SPATA6: variants seen among roughly 807,000 people sequenced by gnomAD.
SPATA6 encodes spermatogenesis associated 6, also known as spermatogenesis-associated protein 6.
A neutral mutation model predicts 65.3 loss-of-function variants in SPATA6; 56 were observed. That is an observed-to-expected ratio of 0.86 (90% CI 0.69 to 1.07). The LOEUF (loss-of-function observed/expected upper bound fraction) is 1.07, where lower values mean the gene tolerates loss of function less well. Among genes scored for constraint, SPATA6 ranks in the 50% least tolerant of loss-of-function variants. The probability of loss-of-function intolerance (pLI) is 0.00; values close to 1 mark genes in which losing one functional copy is unlikely to be tolerated. For missense variants in SPATA6, 590 were observed against 594.8 expected (o/e 0.99, Z 0.08); for synonymous variants, 199 against 213.2 (o/e 0.93, Z 0.58).
intron 3 of SPATA6, among the ~76,000 whole-genome samples, chr1:48,439,594 C>T (rs1655274681): frequency 6.6e-6 from 1 of 152,204 alleles, no homozygotes; most frequent in Admixed American, 6.5e-5. Context: ...ACAACTATTC[C>T]AGTCAGCAGG....
intron 11 of SPATA6, among the ~76,000 whole-genome samples, chr1:48,351,585 T>C: frequency 6.6e-6 from 1 of 152,120 alleles, no homozygotes; most frequent in East Asian, 1.9e-4. Context: ...TTTTTCTTAA[T>C]CATTTACTAG....
the SPATA6 span, among the ~76,000 whole-genome samples, chr1:48,264,815 C>CTGCAGTAAACATAA: frequency 2.6e-5 from 4 of 152,184 alleles, no homozygotes; most frequent in Non-Finnish European, 5.9e-5. Flanking sequence ...GTGAACAGTG[C>CTGCAGTAAACATAA]TGCAGTAAAC....
At chr1:48,436,171 G>A in intron 3 of SPATA6, 1 of 1,610,946 alleles carries the variant, frequency 6.2e-7, no homozygotes, top group Non-Finnish European at 8.5e-7. Flanking sequence ...AAGAGGATTT[G>A]ACAACTTGAC....
intron 9 of SPATA6, among the ~76,000 whole-genome samples, chr1:48,363,591 T>TA (rs1233917559): frequency 3.3e-5 from 5 of 152,024 alleles, no homozygotes; most frequent in Admixed American, 6.6e-5. Context: ...TACTTCAGCA[T>TA]AAAAAAGTCT....
intron 11 of SPATA6, among the ~76,000 whole-genome samples, chr1:48,336,219 T>G (rs1210546640): frequency 6.6e-6 from 1 of 152,056 alleles, no homozygotes; most frequent in South Asian, 2.1e-4. Context: ...AAAGACAGTA[T>G]GGTGACTTCT....
intron 1 of SPATA6, among the ~76,000 whole-genome samples, chr1:48,454,334 T>C (rs767501336): frequency 3.3e-5 from 5 of 152,164 alleles, no homozygotes; most frequent in Non-Finnish European, 5.9e-5. Flanking sequence ...TCTTTCATCA[T>C]TGTATAATGT....
chr1:48,290,753 C>A (rs931763198), downstream of SPATA6, among the ~76,000 whole-genome samples: 2 of 152,076 alleles, frequency 1.3e-5, no homozygotes, highest in Non-Finnish European at 2.9e-5. Context: ...ACAAAAAAGG[C>A]CATTACATAA....
chr1:48,315,654 A>C (rs1030092742), intron 11 of SPATA6, among the ~76,000 whole-genome samples: 2 of 151,944 alleles, frequency 1.3e-5, no homozygotes, highest in Non-Finnish European at 2.9e-5. Context: ...CTCTCTCACC[A>C]CTCCTATTCA....
intron 11 of SPATA6, 41 bp downstream of exon 11, chr1:48,355,629 C>A: frequency 1.4e-6 from 2 of 1,393,656 alleles, no homozygotes; most frequent in Non-Finnish European, 2.0e-6. Context: ...TTTTCTTGAC[C>A]TATTATAAAT....
chr1:48,268,089 G>A, the SPATA6 span, among the ~76,000 whole-genome samples: 1 of 152,040 alleles, frequency 6.6e-6, no homozygotes, highest in Admixed American at 6.5e-5. Flanking sequence ...TGGGGTACGT[G>A]GGGGGCCAGG....
chr1:48,288,782 G>T, the SPATA6 span, among the ~76,000 whole-genome samples: 3 of 152,224 alleles, frequency 2.0e-5, no homozygotes, highest in Admixed American at 1.3e-4. Flanking sequence ...CTGCAAGGTG[G>T]CAGCAAGGCT....
At chr1:48,461,008 AATAG>A (rs1657388377) in intron 1 of SPATA6, among the ~76,000 whole-genome samples, 2 of 152,158 alleles carry the variant, frequency 1.3e-5, no homozygotes, top group Non-Finnish European at 2.9e-5. Context: ...AAACACTGAG[AATAG>A]ATAAAAGTTC....
chr1:48,436,299 C>T (rs1176130097), intron 3 of SPATA6: 2 of 1,613,318 alleles, frequency 1.2e-6, no homozygotes, highest in African/African-American at 2.7e-5. Context: ...TGATTCTATC[C>T]CACTTTTTCC....
In SPATA6 at chr1:48,411,459, C is replaced by A; in HGVS notation, c.405+5G>T. The A allele has an allele frequency of 6.2e-7, 1 of 1,604,678 alleles. No individual in the cohort carries two copies. The highest frequency in any genetic ancestry group is 8.5e-7 in the Non-Finnish European group (1 of 1,175,142). ...AAACTGATTCAGAAAATTGCAAGCA[C>A]TTACTCGAAGGCCAGAAATCCTCCT... On this transcript the variant is annotated splice_donor_5th_base_variant and intron_variant, in intron 5 of 12. Transcript: ENST00000371847.
At chr1:48,385,848 A>G (rs946015236) in intron 8 of SPATA6, among the ~76,000 whole-genome samples, 1 of 152,164 alleles carries the variant, frequency 6.6e-6, no homozygotes, top group African/African-American at 2.4e-5. Flanking sequence ...TCCAGGCCCA[A>G]GCACCTTGGG....
intron 9 of SPATA6, among the ~76,000 whole-genome samples, chr1:48,380,508 AG>A (rs57081481): frequency 0.025 from 3,754 of 152,324 alleles, 97 homozygotes; most frequent in African/African-American, 0.067. Flanking sequence ...TAAATGGACC[AG>A]CCAACTTATA....
the SPATA6 span, among the ~76,000 whole-genome samples, chr1:48,267,027 T>C: frequency 6.6e-6 from 1 of 152,080 alleles, no homozygotes; most frequent in Non-Finnish European, 1.5e-5. Flanking sequence ...AGTAATTATT[T>C]CCGAAATAAA....
rs1048255698 is a variant in SPATA6, at chr1:48,298,481, T to C, written c.*232A>G. ...CCTTGTCACATATTGGAAGTTGTGA[T>C]TGTGTGACAGAGCTCTAATGTTTGT... On this transcript the variant is annotated 3_prime_UTR_variant, in exon 13 of 13. Coordinates refer to ENST00000371847, the MANE Select transcript of SPATA6 (RefSeq NM_019073.4). The C allele has an allele frequency of 3.0e-5, 11 of 363,130 alleles. No homozygotes were observed. Among genetic ancestry groups the C allele is most frequent in the Non-Finnish European group, 4.9e-5 (10 of 204,088 alleles). 22.5% of individuals were successfully genotyped at this position (363,130 alleles called of 1,614,324 possible).
chr1:48,328,783 TAAA>T (rs1332209007), intron 11 of SPATA6, among the ~76,000 whole-genome samples: 1 of 152,166 alleles, frequency 6.6e-6, no homozygotes, highest in African/African-American at 2.4e-5. Flanking sequence ...TTTTTTAAAA[TAAA>T]AAGCCTTTAG....
Sources: allele counts gnomAD v4.1 joint callset (sites outside exome capture counted in the v4.1 genomes callset), GRCh38; gene constraint gnomAD v4.1.1; transcripts MANE v1.5; gene names NCBI Gene and HGNC (gene_info 2026-07-23, HGNC 2026-07-21).